LZTFL1: variants seen among roughly 807,000 people sequenced by gnomAD.
LZTFL1 encodes leucine zipper transcription factor-like protein 1.
A neutral mutation model predicts 45.9 loss-of-function variants in LZTFL1; 25 were observed. That is an observed-to-expected ratio of 0.54 (90% CI 0.40 to 0.76). The LOEUF (loss-of-function observed/expected upper bound fraction) is 0.76, where lower values mean the gene tolerates loss of function less well. Among genes scored for constraint, LZTFL1 ranks in the 30% least tolerant of loss-of-function variants. The pLI is 0.00. For synonymous variants in LZTFL1, 93 were observed against 117.4 expected (o/e 0.79, Z 1.35); for missense variants, 277 against 331.1 (o/e 0.84, Z 1.27).
chr3:45,829,647 G>GA (rs71619611), intron 7 of LZTFL1, among the ~76,000 whole-genome samples: 9 of 111,964 alleles, frequency 8.0e-5, no homozygotes, highest in Middle Eastern at 4.4e-3. Context: ...TTCAACAGAA[G>GA]AAAAAAAAAA....
At chr3:45,899,747 G>A (rs148322161) in intron 2 of LZTFL1, among the ~76,000 whole-genome samples, 122 of 152,176 alleles carry the variant, frequency 8.0e-4, no homozygotes, top group Non-Finnish European at 1.6e-3. Context: ...GGCATGGCAC[G>A]GACTCTCCCC....
At chr3:45,913,756 C>T (rs1010891805) in intron 1 of LZTFL1, among the ~76,000 whole-genome samples, 3 of 152,074 alleles carry the variant, frequency 2.0e-5, no homozygotes, top group Admixed American at 6.6e-5. Flanking sequence ...ATTCTGTGTA[C>T]CGACCAGCTT....
chr3:45,907,084 C>T (rs1012170868), intron 2 of LZTFL1, among the ~76,000 whole-genome samples: 1 of 152,218 alleles, frequency 6.6e-6, no homozygotes, highest in East Asian at 1.9e-4. Flanking sequence ...TGGCTCTGTC[C>T]ATCCTGCCCA....
chr3:45,845,380 C>A (rs981467504), upstream of LZTFL1, among the ~76,000 whole-genome samples: 1 of 152,156 alleles, frequency 6.6e-6, no homozygotes, highest in African/African-American at 2.4e-5. Flanking sequence ...TAGTTCACTT[C>A]TGTTGAGGCT....
chr3:45,915,480 T>G (rs1376763711), exon 1 of LZTFL1: 1 of 456,292 alleles, frequency 2.2e-6, no homozygotes, highest in Admixed American at 2.4e-5. Context: ...CGAGGCTCAG[T>G]CAGAGTCGGC....
rs76714804 is a variant in LZTFL1, at chr3:45,833,259, T to C, written c.385-138A>G. 9.9e-3 allele frequency: 6,232 copies of C among 630,532 alleles called. 279 individuals are homozygous for C. The African/African-American group carries it at 0.099, about 10-fold the overall frequency. 39.1% of individuals were successfully genotyped at this position (630,532 alleles called of 1,614,324 possible). On this transcript the variant is annotated intron_variant, in intron 4 of 9. Transcript: ENST00000296135. ...GATGTCAGTTCCACAGGTGTGGAGA[T>C]TTCTGTTGGTTTCATCCTTTGTTAC...
chr3:45,860,489 G>A (rs559038951), intron 2 of LZTFL1, among the ~76,000 whole-genome samples: 2 of 151,736 alleles, frequency 1.3e-5, no homozygotes, highest in African/African-American at 2.4e-5. Flanking sequence ...TTTTTGGTAG[G>A]TGGTGAAAGT....
At chr3:45,909,651 T>C (rs897257385) in intron 2 of LZTFL1, among the ~76,000 whole-genome samples, 4 of 152,250 alleles carry the variant, frequency 2.6e-5, no homozygotes, top group Non-Finnish European at 4.4e-5. Context: ...GGATGGACTC[T>C]TCCTCTGTGT....
chr3:45,900,302 C>T lies in LZTFL1; in HGVS notation c.-215+12818G>A, dbSNP rs543421139. On this transcript the variant is annotated intron_variant, in intron 2 of 4. Transcript: ENST00000472635. The surrounding 1 kb of genome is among the most constrained non-coding windows in gnomAD (Gnocchi z 4.7). ...ATGTGTATGTGGGTGTATGCTGGTG[C>T]TCCCGGAGCTTTCAGGAAACTCAGG... is the stretch of plus-strand genomic sequence containing the variant. 1.2e-4 allele frequency among the ~76,000 whole-genome samples: 18 copies of T among 152,182 alleles called. No homozygotes were observed. In the East Asian group the frequency reaches 2.7e-3, roughly 23 times the overall value.
intron 1 of LZTFL1, among the ~76,000 whole-genome samples, chr3:45,913,535 G>A (rs1351688345): frequency 6.6e-6 from 1 of 152,098 alleles, no homozygotes; most frequent in Non-Finnish European, 1.5e-5. Context: ...ATTTCCGAGT[G>A]GAGATAAACA....
chr3:45,912,844 C>T lies in LZTFL1; in HGVS notation c.-215+276G>A, dbSNP rs1331501047. ...CAAAATAAATCTTCAGTGATTTAAGCCACGGTTTTGAGGTTATCCAACTTC... is the reference window on the plus strand; with the variant it reads ...CAAAATAAATCTTCAGTGATTTAAGTCACGGTTTTGAGGTTATCCAACTTC... On this transcript the variant is annotated intron_variant, in intron 2 of 4. Coordinates refer to the LZTFL1 transcript ENST00000472635. Among the ~76,000 whole-genome samples, 3 of 152,190 alleles carry T rather than the reference C, an allele frequency of 2.0e-5. No individual in the cohort carries two copies. The South Asian group carries it at 6.2e-4, about 32-fold the overall frequency.
At chr3:45,898,628 C>T (rs906565459) in intron 2 of LZTFL1, among the ~76,000 whole-genome samples, 1 of 152,210 alleles carries the variant, frequency 6.6e-6, no homozygotes, top group East Asian at 1.9e-4. Context: ...GTCAGATTTT[C>T]CCAGTTGTCA....
Position 45,890,308 on chromosome 3 carries a change from T to TATATATAAATATATATATAAC in LZTFL1, c.-215+22811_-215+22812insGTTATATATATATTTATATAT, listed in dbSNP as rs1176858500. ...TTTATATAAATATATATATAACATA[T>TATATATAAATATATATATAAC]ATATATATTTATATAAATATATATA... is the stretch of plus-strand genomic sequence containing the variant. On this transcript the variant is annotated intron_variant, in intron 2 of 4. Transcript: ENST00000472635. 1.4e-3 allele frequency among the ~76,000 whole-genome samples: 108 copies of TATATATAAATATATATATAAC among 77,354 alleles called. 25 individuals carry two copies. The African/African-American group carries it at 0.015, about 10-fold the overall frequency. The allele number at this position is 77,354 out of a possible 152,430, so 50.7% of individuals were successfully genotyped here.
rs1251635610 is a variant in LZTFL1, at chr3:45,880,460, C to T, written c.-214-21444G>A. On this transcript the variant is annotated intron_variant, in intron 2 of 4. Transcript: ENST00000472635. ...GAGGTTGCAGTGAGCCGAGATCACGCCACTGCACTCCAGCCTGGGCGACAG... is the reference window on the plus strand; with the variant it reads ...GAGGTTGCAGTGAGCCGAGATCACGTCACTGCACTCCAGCCTGGGCGACAG... Among the ~76,000 whole-genome samples, 4 of 152,226 alleles carry T rather than the reference C, an allele frequency of 2.6e-5. No individual in the cohort carries two copies. The South Asian group carries it at 6.2e-4, about 24-fold the overall frequency.
In LZTFL1 at chr3:45,827,415, C is replaced by A; in HGVS notation, c.822G>T (p.Met274Ile). ...CATTCTTCTTGGTAAGAATCTCTTT[C>A]ATGTTTCGATAAGCTGCTGTTTGCT... ...KFQQTAAYRN[M>I]KEILTKKNDQ... is the part of the protein sequence containing the mutation. The change falls in exon 9 of 10, where the codon ATG becomes ATT. Residue 274 changes from methionine (M) to isoleucine (I), a missense_variant. Physicochemically the swap from Met to Ile is conservative, Grantham distance 10 (BLOSUM62 1). Transcript: ENST00000296135. 1 of 1,613,892 alleles carries A rather than the reference C, an allele frequency of 6.2e-7. No homozygotes were observed. Among genetic ancestry groups the A allele is most frequent in the Non-Finnish European group, 8.5e-7 (1 of 1,179,864 alleles).
Position 45,837,894 on chromosome 3 carries a change from C to T in LZTFL1, c.128+33G>A, listed in dbSNP as rs931857956. 6 of 1,563,180 alleles carry T rather than the reference C, an allele frequency of 3.8e-6. No individual in the cohort carries two copies. In the African/African-American group the frequency reaches 6.9e-5, roughly 18 times the overall value. On this transcript the variant is annotated intron_variant, in intron 2 of 9. Transcript: ENST00000296135. ...TGGCTACCAGAAAGAATCCATGTTC[C>T]TATTTGGTTTGCTTAGAGTCCTCCT... is the stretch of plus-strand genomic sequence containing the variant.
At chr3:45,827,292 A>T in intron 9 of LZTFL1, 64 bp downstream of exon 9, 5 of 1,239,994 alleles carry the variant, frequency 4.0e-6, no homozygotes, top group Non-Finnish European at 5.9e-6. Flanking sequence ...ACAAGCTTAG[A>T]TTTAACAGAG....
In LZTFL1 at chr3:45,900,067, T is replaced by C. The variant is rs915969822; in HGVS notation, c.-215+13053A>G. Among the ~76,000 whole-genome samples, 1 of 152,206 alleles carries C rather than the reference T, an allele frequency of 6.6e-6. No individual in the cohort carries two copies. Among genetic ancestry groups the C allele is most frequent in the African/African-American group, 2.4e-5 (1 of 41,452 alleles). ...GTGTATGCATGTACATATGAGTGTG[T>C]GTGCTTGTTGGGGCCAGCTTCATGG... On this transcript the variant is annotated intron_variant, in intron 2 of 4. Transcript: ENST00000472635. The surrounding 1 kb of genome is among the most constrained non-coding windows in gnomAD (Gnocchi z 4.7).
rs528385480 is a variant in LZTFL1 at position 45,904,930 on chromosome 3, A to G, written c.-215+8190T>C. The stretch of plus-strand genomic sequence containing the variant: ...CATCCCCCAGCACCAGCCTGGCTCC[A>G]GTGCCCACAGATCTCTGTCCCTCAC... On this transcript the variant is annotated intron_variant, in intron 2 of 4. Coordinates refer to the LZTFL1 transcript ENST00000472635. Among the ~76,000 whole-genome samples, 15 of 152,262 alleles carry G rather than the reference A, an allele frequency of 9.9e-5. No homozygotes were observed. In the East Asian group the frequency reaches 2.9e-3, roughly 29 times the overall value.
Sources: allele counts gnomAD v4.1 joint callset (sites outside exome capture counted in the v4.1 genomes callset), GRCh38; gene constraint gnomAD v4.1.1; non-coding constraint Gnocchi (gnomAD v3.1); transcripts MANE v1.5; gene names NCBI Gene and HGNC (gene_info 2026-07-23, HGNC 2026-07-21).